The following TMEM233 variants were observed in gnomAD, a reference collection of about 807,000 sequenced individuals.
TMEM233 encodes the protein transmembrane protein 233, also known as dispanin subfamily B member 2.
A neutral mutation model predicts 11.2 loss-of-function variants in TMEM233; 6 were observed. The ratio of observed to expected loss-of-function variants is 0.54; its 90% confidence interval spans 0.29 to 1.06. The LOEUF (loss-of-function observed/expected upper bound fraction) is 1.06. Among genes scored for constraint, TMEM233 ranks in the 50% least tolerant of loss-of-function variants. The probability of loss-of-function intolerance (pLI) is 0.08; values close to 1 mark genes in which losing one functional copy is unlikely to be tolerated. For synonymous variants in TMEM233, 59 were observed against 55.8 expected, an observed-to-expected ratio of 1.06 and a Z score of -0.26; for missense variants, 127 against 144.7, an observed-to-expected ratio of 0.88 and a Z score of 0.63.
At chr12:119,643,696 AGGC>A (rs1275565026), downstream of TMEM233, among the ~76,000 whole-genome samples, 1 of 151,052 alleles carries the variant, frequency 6.6e-6, no homozygotes, top group African/African-American at 2.4e-5. Context: ...TGAATCCGGG[AGGC>A]GGAGGTTGCA....
chr12:119,652,226 G>A, the TMEM233 span, among the ~76,000 whole-genome samples: 2 of 152,148 alleles, frequency 1.3e-5, no homozygotes, highest in African/African-American at 4.8e-5. Flanking sequence ...TGTGAGCTAG[G>A]ATATGTGAAT....
chr12:119,604,826 G>T (rs187041073), intron 1 of TMEM233, among the ~76,000 whole-genome samples: 92 of 152,032 alleles, frequency 6.1e-4, no homozygotes, highest in Non-Finnish European at 1.1e-3. Flanking sequence ...TAGAAACAGG[G>T]TCTCCCTGTG....
At position 119,595,776 on chromosome 12, in the gene TMEM233, C is replaced by A. The variant is rs541808467; in HGVS notation, c.186+1742C>A. On this transcript the variant is annotated intron_variant, in intron 1 of 2. Coordinates refer to ENST00000426426, the MANE Select transcript of TMEM233 (RefSeq NM_001136534.3). This position sits in a 1 kb window ranked among gnomAD's most constrained non-coding sequence, Gnocchi z 4.3. ...TTTAAAATCAGGACCCCCATCCACC[C>A]ACCCCGCGCAAGCTCTGTTCTTCCT... Among the ~76,000 whole-genome samples the A allele has an allele frequency of 6.6e-6, 1 of 152,322 alleles. No individual in the cohort carries two copies. The highest frequency in any genetic ancestry group is 1.9e-4 in the East Asian group (1 of 5,180).
chr12:119,615,784 T>C (rs928330845), intron 1 of TMEM233, among the ~76,000 whole-genome samples: 17 of 152,138 alleles, frequency 1.1e-4, no homozygotes, highest in Non-Finnish European at 2.2e-4. Context: ...CCGTCTGGTG[T>C]GAAGTGTTAT....
At chr12:119,596,972 TATC>T (rs1417158084) in intron 1 of TMEM233, among the ~76,000 whole-genome samples, 2 of 152,238 alleles carry the variant, frequency 1.3e-5, no homozygotes, top group African/African-American at 4.8e-5. Context: ...AACCTGGAGA[TATC>T]ATGTTACATA....
intron 1 of TMEM233, among the ~76,000 whole-genome samples, chr12:119,619,963 G>C (rs1262214532): frequency 1.3e-5 from 2 of 152,072 alleles, no homozygotes; most frequent in African/African-American, 4.8e-5. Context: ...CTAGACAAAG[G>C]GTATGGGTAC....
intron 1 of TMEM233, among the ~76,000 whole-genome samples, chr12:119,604,445 T>C (rs992062710): frequency 1.3e-5 from 2 of 152,218 alleles, no homozygotes; most frequent in African/African-American, 2.4e-5. Flanking sequence ...AAGGCTAATA[T>C]GCCACAGCAC....
At position 119,615,413 on chromosome 12, in the gene TMEM233, T is replaced by A. The variant is rs1954505108; in HGVS notation, c.187-14323T>A. ...TCTATCTAGGACAGTGGTTCTCAAG[T>A]CTAGCTGCACTCAGGATAACCTGAA... On this transcript the variant is annotated intron_variant, in intron 1 of 2. Transcript: ENST00000426426. Among the ~76,000 whole-genome samples, 6 of 152,120 alleles carry A rather than the reference T, an allele frequency of 3.9e-5. No homozygotes were observed. The South Asian group carries it at 1.2e-3, about 31-fold the overall frequency.
At chr12:119,625,364 C>CTTT (rs747764054) in intron 1 of TMEM233, among the ~76,000 whole-genome samples, 1 of 63,244 alleles carries the variant, frequency 1.6e-5, no homozygotes, top group Non-Finnish European at 4.1e-5. Context: ...TACATAACTT[C>CTTT]TTCTTTTTTT....
chr12:119,603,200 G>A (rs530731161), intron 1 of TMEM233, among the ~76,000 whole-genome samples: 168 of 152,070 alleles, frequency 1.1e-3, no homozygotes, highest in Non-Finnish European at 2.1e-3. Context: ...GAGCCCAGGA[G>A]GCAGAGGTTG....
At chr12:119,654,046 A>T in the TMEM233 span, among the ~76,000 whole-genome samples, 1 of 152,080 alleles carries the variant, frequency 6.6e-6, no homozygotes, top group South Asian at 2.1e-4. Context: ...CTGGAAAAAG[A>T]AAAAATCTAA....
chr12:119,594,283 C>T lies in TMEM233; in HGVS notation c.186+249C>T. The T allele has an allele frequency of 2.1e-6, 1 of 475,604 alleles. No individual in the cohort carries two copies. The highest frequency in any genetic ancestry group is 3.7e-6 in the Non-Finnish European group (1 of 268,690). The allele number at this position is 475,604 out of a possible 1,614,324, so 29.5% of individuals were successfully genotyped here. On this transcript the variant is annotated intron_variant, in intron 1 of 2. Transcript: ENST00000426426. The surrounding 1 kb of genome is among the most constrained non-coding windows in gnomAD (Gnocchi z 5.6). ...TCAAGCTTCCCCCAGGCTAGCTTTC[C>T]TCTTCTTTCCAGCTCCCAGGGTGCG...
the TMEM233 span, among the ~76,000 whole-genome samples, chr12:119,653,015 T>C: frequency 6.6e-6 from 1 of 152,022 alleles, no homozygotes; most frequent in African/African-American, 2.4e-5. Flanking sequence ...TCACTACCAG[T>C]TAAAACAAAA....
downstream of TMEM233, among the ~76,000 whole-genome samples, chr12:119,646,685 C>T (rs1377394615): frequency 6.6e-6 from 1 of 152,188 alleles, no homozygotes; most frequent in Non-Finnish European, 1.5e-5. Flanking sequence ...GCCTTTTTCA[C>T]ACTGCATCTC....
At chr12:119,614,392 G>A (rs576206619) in intron 1 of TMEM233, among the ~76,000 whole-genome samples, 1 of 150,878 alleles carries the variant, frequency 6.6e-6, no homozygotes, top group South Asian at 2.1e-4. Context: ...GGGTGAGAGA[G>A]AGAGAGACTC....
intron 1 of TMEM233, among the ~76,000 whole-genome samples, chr12:119,626,496 G>GAAA (rs1954761867): frequency 1.6e-5 from 1 of 62,402 alleles, no homozygotes; most frequent in African/African-American, 8.1e-5. Context: ...AGAAGAAAAA[G>GAAA]GAGGAGGAGG....
chr12:119,619,635 T>C (rs957932868), intron 1 of TMEM233, among the ~76,000 whole-genome samples: 12 of 149,696 alleles, frequency 8.0e-5, no homozygotes, highest in African/African-American at 3.0e-4. Flanking sequence ...AGCGAGATCC[T>C]GTCTCAAGAA....
rs1459674536 is a variant in TMEM233 at position 119,594,004 on chromosome 12, C to T, written c.156C>T (p.Ile52=). The T allele has an allele frequency of 6.4e-7, 1 of 1,551,740 alleles. No homozygotes were observed. Among genetic ancestry groups the T allele is most frequent in the South Asian group, 1.2e-5 (1 of 84,064 alleles). Residue 52 remains isoleucine, a synonymous_variant, in exon 1 of 3, where the codon ATC becomes ATT. Coordinates refer to ENST00000426426, the MANE Select transcript of TMEM233 (RefSeq NM_001136534.3). The surrounding 1 kb of genome is among the most constrained non-coding windows in gnomAD (Gnocchi z 5.6). ...IVSCFCPAYP[I]NIVALVFSIM... is the part of the protein sequence containing the mutation. ...CGTGTTTTTGCCCTGCGTACCCCAT[C>T]AACATCGTGGCTTTGGTCTTTTCCA...
chr12:119,627,450 G>GT (rs1349335599), intron 1 of TMEM233, among the ~76,000 whole-genome samples: 1 of 152,248 alleles, frequency 6.6e-6, no homozygotes, highest in Non-Finnish European at 1.5e-5. Context: ...CATGGCGCCA[G>GT]TATCTTCTTC....
Sources: allele counts gnomAD v4.1 joint callset (sites outside exome capture counted in the v4.1 genomes callset), GRCh38; gene constraint gnomAD v4.1.1; non-coding constraint Gnocchi (gnomAD v3.1); transcripts MANE v1.5; gene names NCBI Gene and HGNC (gene_info 2026-07-23, HGNC 2026-07-21).